Variants in ANK2 observed in about 807,000 individuals in gnomAD.
ANK2 encodes the protein ankyrin-2.
In ANK2, 83 loss-of-function variants were observed where a neutral mutation model predicts 360.5. The ratio of observed to expected loss-of-function variants is 0.23; its 90% confidence interval spans 0.19 to 0.28. ANK2 has a LOEUF of 0.28. ANK2 is among the 10% of genes least tolerant of loss of function. The pLI is 1.00. For synonymous variants in ANK2, 1,740 were observed against 1,759.5 expected, an observed-to-expected ratio of 0.99 and a Z score of 0.28; for missense variants, 4,201 against 4,795.7, an observed-to-expected ratio of 0.88 and a Z score of 3.66.
At chr4:112,776,934 C>A in the ANK2 span, among the ~76,000 whole-genome samples, 9 of 152,140 alleles carry the variant, frequency 5.9e-5, no homozygotes, top group African/African-American at 9.7e-5. Context: ...AACTGAGCAG[C>A]TTTTACTCAT....
rs374089908 is a variant in ANK2 at position 113,236,977 on chromosome 4, A to G, written c.484-10A>G. On this transcript the variant is annotated splice_polypyrimidine_tract_variant and intron_variant, in intron 5 of 45. Coordinates refer to ENST00000357077, the MANE Select transcript of ANK2 (RefSeq NM_001148.6). ...TGTTAACAGACAATTTTTACCTTCC[A>G]TTTTACCAGGATGGCTTTACTCCTC... The G allele has an allele frequency of 1.9e-6, 3 of 1,613,984 alleles. No homozygotes were observed. The highest frequency in any genetic ancestry group is 2.5e-6 in the Non-Finnish European group (3 of 1,179,984).
intron 2 of ANK2, among the ~76,000 whole-genome samples, chr4:112,913,825 T>C (rs78655099): frequency 0.038 from 5,797 of 152,240 alleles, 497 homozygotes; most frequent in East Asian, 0.31. Context: ...CTTATAAAAA[T>C]GAGTCAATTT....
chr4:112,959,641 G>T (rs1356666692), intron 2 of ANK2, among the ~76,000 whole-genome samples: 1 of 152,102 alleles, frequency 6.6e-6, no homozygotes, highest in Non-Finnish European at 1.5e-5. Flanking sequence ...TTTATGACCA[G>T]AATTCCTACC....
intron 4 of ANK2, among the ~76,000 whole-genome samples, chr4:113,225,693 T>G (rs535542427): frequency 6.6e-6 from 1 of 152,320 alleles, no homozygotes; most frequent in South Asian, 2.1e-4. Flanking sequence ...TGAAATGACT[T>G]ATAAATATCA....
At chr4:112,815,671 G>A (rs1419472637), upstream of ANK2, among the ~76,000 whole-genome samples, 1 of 152,036 alleles carries the variant, frequency 6.6e-6, no homozygotes, top group Non-Finnish European at 1.5e-5. Context: ...AGGGGAGGGG[G>A]GCTGAAAATT....
At chr4:112,865,202 GCATTAGAAATCAC>G (rs1409601333) in intron 1 of ANK2, among the ~76,000 whole-genome samples, 2 of 152,066 alleles carry the variant, frequency 1.3e-5, no homozygotes, top group African/African-American at 2.4e-5. Context: ...CTCTGGTTTA[GCATTAGAAATCAC>G]CATCTTCTCT....
In ANK2 at chr4:113,196,374, C is replaced by G; in HGVS notation, c.193C>G (p.Leu65Val). 1 of 1,613,316 alleles carries G rather than the reference C, an allele frequency of 6.2e-7. No individual in the cohort carries two copies. The highest frequency in any genetic ancestry group is 8.5e-7 in the Non-Finnish European group (1 of 1,179,744). The change falls in exon 3 of 46, where the codon CTC becomes GTC. Residue 65 changes from leucine to valine, a missense_variant. Transcript: ENST00000357077. ...IDINTCNQNGLNALHLAAKEG... is the reference protein window; with the variant it reads ...IDINTCNQNGVNALHLAAKEG... ...TGTTTGTTTCTTCTCTCAGAATGGA[C>G]TCAACGCTCTCCATCTGGCTGCCAA...
chr4:112,772,011 T>C, the ANK2 span, among the ~76,000 whole-genome samples: 1 of 152,176 alleles, frequency 6.6e-6, no homozygotes, highest in Admixed American at 6.5e-5. Context: ...CTCTTGGAGC[T>C]GCTTCAGGAG....
chr4:112,951,355 G>C (rs944028426), intron 2 of ANK2, among the ~76,000 whole-genome samples: 21 of 152,078 alleles, frequency 1.4e-4, no homozygotes, highest in African/African-American at 4.3e-4. Context: ...AGGTATTTGT[G>C]ATATAGGAGA....
chr4:113,242,276 C>G (rs1298048153), intron 9 of ANK2, 67 bp downstream of exon 9: 2 of 1,349,298 alleles, frequency 1.5e-6, no homozygotes, highest in African/African-American at 2.9e-5. Context: ...GAAGGCACCT[C>G]AAGACACCAG....
chr4:113,097,908 ATG>A (rs539758317), intron 1 of ANK2, among the ~76,000 whole-genome samples: 1 of 121,180 alleles, frequency 8.3e-6, no homozygotes, highest in African/African-American at 3.5e-5. Flanking sequence ...ACACATATAT[ATG>A]TATATATACA....
chr4:113,324,142 C>T (rs981660067), intron 26 of ANK2, among the ~76,000 whole-genome samples: 9 of 152,108 alleles, frequency 5.9e-5, no homozygotes, highest in African/African-American at 2.2e-4. Flanking sequence ...GCAAATTGGT[C>T]AAGCTATTTT....
At chr4:112,741,359 C>T in the ANK2 span, among the ~76,000 whole-genome samples, 1 of 152,146 alleles carries the variant, frequency 6.6e-6, no homozygotes, top group Non-Finnish European at 1.5e-5. Flanking sequence ...CCCAAGCATC[C>T]CTTCAGTTGG....
At chr4:112,829,977 AAT>A in intron 1 of ANK2, among the ~76,000 whole-genome samples, 1 of 151,940 alleles carries the variant, frequency 6.6e-6, no homozygotes, top group Non-Finnish European at 1.5e-5. Context: ...AAAAATAAAA[AAT>A]AAAAAAAAAG....
Position 113,357,103 on chromosome 4 carries a change from G to C in ANK2, c.8485G>C (p.Val2829Leu), listed in dbSNP as rs765308165. Reference sequence around the variant, plus strand: ...AGACACAGAGGGAGAAGAGCTTGATGTTTCTAGAGCAGAATCTCCACAAGC... The same window carrying C: ...AGACACAGAGGGAGAAGAGCTTGATCTTTCTAGAGCAGAATCTCCACAAGC... ...EKDTEGEELD[V>L]SRAESPQADC... Residue 2829 changes from valine (V) to leucine (L), a missense_variant, in exon 38 of 46, where the codon GTT (valine) becomes CTT (leucine). Transcript: ENST00000357077. 6.2e-7 allele frequency: 1 copy of C among 1,614,070 alleles called. No homozygotes were observed. Among genetic ancestry groups the C allele is most frequent in the Non-Finnish European group, 8.5e-7 (1 of 1,179,968 alleles).
chr4:113,175,472 C>T (rs1216299125), intron 2 of ANK2, among the ~76,000 whole-genome samples: 1 of 152,146 alleles, frequency 6.6e-6, no homozygotes, highest in Non-Finnish European at 1.5e-5. Flanking sequence ...TCCCGTTCCT[C>T]ATCTTTCCCC....
chr4:113,288,169 A>G (rs772746241), intron 19 of ANK2, among the ~76,000 whole-genome samples: 1 of 152,134 alleles, frequency 6.6e-6, no homozygotes, highest in Non-Finnish European at 1.5e-5. Context: ...CCTCTCTCTT[A>G]GTTCTTTGCA....
At chr4:113,304,046 G>C (rs1383820557) in intron 23 of ANK2, among the ~76,000 whole-genome samples, 1 of 152,160 alleles carries the variant, frequency 6.6e-6, no homozygotes, top group Non-Finnish European at 1.5e-5. Flanking sequence ...ACAAATGTTG[G>C]ATCAATGTAG....
chr4:113,146,362 T>C (rs997345876), intron 1 of ANK2, among the ~76,000 whole-genome samples: 4 of 152,240 alleles, frequency 2.6e-5, no homozygotes, highest in Non-Finnish European at 5.9e-5. Flanking sequence ...TCAAATTCTT[T>C]CGCCTATTTA....
Sources: allele counts gnomAD v4.1 joint callset (sites outside exome capture counted in the v4.1 genomes callset), GRCh38; gene constraint gnomAD v4.1.1; transcripts MANE v1.5; gene names NCBI Gene and HGNC (gene_info 2026-07-23, HGNC 2026-07-21).